SAMTOR: variants seen among roughly 807,000 people sequenced by gnomAD.
SAMTOR encodes UPF0532 protein C7orf60.
chr7:112,887,792 C>T, the SAMTOR span, among the ~76,000 whole-genome samples: 1 of 151,994 alleles, frequency 6.6e-6, no homozygotes, highest in Non-Finnish European at 1.5e-5. Context: ...ATGGTGGGCT[C>T]TCTTTCATTT....
the SAMTOR span, among the ~76,000 whole-genome samples, chr7:112,892,616 A>T: frequency 3.2e-4 from 48 of 152,150 alleles, no homozygotes; most frequent in East Asian, 1.7e-3. Flanking sequence ...AAAAAATTTT[A>T]AAAAAGTTAG....
the SAMTOR span, among the ~76,000 whole-genome samples, chr7:112,860,835 C>T: frequency 7.1e-6 from 1 of 141,816 alleles, no homozygotes; most frequent in African/African-American, 2.7e-5. Context: ...TGGCGTGAAC[C>T]GGGGAGGCGG....
chr7:112,936,844 C>G, the SAMTOR span, among the ~76,000 whole-genome samples: 1 of 152,150 alleles, frequency 6.6e-6, no homozygotes, highest in East Asian at 1.9e-4. Context: ...CCATTCCCAT[C>G]AATTTATAAC....
the SAMTOR span, among the ~76,000 whole-genome samples, chr7:112,846,931 A>G: frequency 6.6e-6 from 1 of 152,326 alleles, no homozygotes; most frequent in East Asian, 1.9e-4. Flanking sequence ...TACTGCTTAT[A>G]ATTGTTTCTC....
chr7:112,833,077 C>T, the SAMTOR span, among the ~76,000 whole-genome samples: 2 of 152,058 alleles, frequency 1.3e-5, no homozygotes, highest in African/African-American at 2.4e-5. Flanking sequence ...AGCCTGGCTC[C>T]CCCACCCCCA....
At chr7:112,895,676 T>C in the SAMTOR span, 1 of 1,584,918 alleles carries the variant, frequency 6.3e-7, no homozygotes, top group Admixed American at 1.7e-5. Flanking sequence ...CAAGTACAGC[T>C]CTTTTTTCAT....
At chr7:112,913,847 C>T in the SAMTOR span, among the ~76,000 whole-genome samples, 2 of 152,304 alleles carry the variant, frequency 1.3e-5, no homozygotes, top group East Asian at 3.9e-4. Context: ...CCCTCTTCCC[C>T]TACCTTACTT....
chr7:112,937,642 G>T, the SAMTOR span, among the ~76,000 whole-genome samples: 89 of 151,034 alleles, frequency 5.9e-4, no homozygotes, highest in Non-Finnish European at 8.3e-4. Context: ...CACTGATGGG[G>T]CTTTGTATAT....
chr7:112,887,495 C>T, the SAMTOR span, among the ~76,000 whole-genome samples: 1 of 152,158 alleles, frequency 6.6e-6, no homozygotes, highest in African/African-American at 2.4e-5. Context: ...ATTCTGTTTT[C>T]AGGAACAGAT....
the SAMTOR span, chr7:112,939,288 T>G: frequency 2.2e-6 from 1 of 451,098 alleles, no homozygotes; most frequent in Non-Finnish European, 4.0e-6. Context: ...GTGTATGTGT[T>G]TGTGTGTGCC....
the SAMTOR span, among the ~76,000 whole-genome samples, chr7:112,847,701 G>A: frequency 6.6e-5 from 10 of 151,872 alleles, no homozygotes; most frequent in African/African-American, 1.2e-4. Flanking sequence ...TTGCTTGAAC[G>A]CGGGAGGCGG....
At chr7:112,876,435 T>A in the SAMTOR span, among the ~76,000 whole-genome samples, 1 of 152,150 alleles carries the variant, frequency 6.6e-6, no homozygotes, top group Admixed American at 6.5e-5. Flanking sequence ...CTTTTTCTCA[T>A]TTTTTACCCC....
the SAMTOR span, among the ~76,000 whole-genome samples, chr7:112,877,771 T>C: frequency 0.61 from 92,801 of 151,720 alleles, 31,564 homozygotes; most frequent in East Asian, 0.9. Context: ...CAGTGAGTTC[T>C]TGTGAGACCT....
At chr7:112,916,401 G>A in the SAMTOR span, among the ~76,000 whole-genome samples, 1 of 152,188 alleles carries the variant, frequency 6.6e-6, no homozygotes, top group African/African-American at 2.4e-5. Context: ...ACCCCATAAG[G>A]AAATGTAGGC....
chr7:112,872,511 C>G, the SAMTOR span, among the ~76,000 whole-genome samples: 1 of 152,212 alleles, frequency 6.6e-6, no homozygotes, highest in East Asian at 1.9e-4. Flanking sequence ...CATCCAACAT[C>G]ATGCTGAACT....
At chr7:112,888,907 T>G in the SAMTOR span, among the ~76,000 whole-genome samples, 1 of 152,210 alleles carries the variant, frequency 6.6e-6, no homozygotes, top group African/African-American at 2.4e-5. Context: ...GAAAGATTTC[T>G]CTTTGGGAAA....
chr7:112,874,777 G>C, the SAMTOR span, among the ~76,000 whole-genome samples: 1 of 151,972 alleles, frequency 6.6e-6, no homozygotes, highest in Non-Finnish European at 1.5e-5. Context: ...ATGTTACCTA[G>C]CTAGAAATAC....
the SAMTOR span, among the ~76,000 whole-genome samples, chr7:112,919,919 T>C: frequency 2.0e-5 from 3 of 152,318 alleles, no homozygotes; most frequent in South Asian, 2.1e-4. Flanking sequence ...AAACTCCAAA[T>C]AGACCAATAA....
At chr7:112,820,166 G>A in the SAMTOR span, 4 of 152,358 alleles carry the variant, frequency 2.6e-5, no homozygotes, top group African/African-American at 9.7e-5. Context: ...CATTAATTTA[G>A]CATGTGAAAT....
Sources: gnomAD v4.1 joint callset for allele counts (sites outside exome capture counted in the v4.1 genomes callset) on GRCh38, gnomAD v4.1.1 for gene constraint, MANE v1.5 for transcripts, NCBI Gene and HGNC (gene_info 2026-07-23, HGNC 2026-07-21) for gene names.